Variants in AUTS2 observed in about 807,000 individuals in gnomAD.
AUTS2 encodes activator of transcription and developmental regulator AUTS2, also known as autism susceptibility gene 2 protein.
AUTS2 carries 17 observed loss-of-function variants against 112.4 expected under a neutral mutation model. That is an observed-to-expected ratio of 0.15 (90% confidence interval 0.10 to 0.23). The LOEUF (loss-of-function observed/expected upper bound fraction) is 0.23, where lower values mean the gene tolerates loss of function less well. Ranked by LOEUF, AUTS2 falls within the 10% of genes least tolerant of loss-of-function variation. AUTS2 has a pLI of 1.00. For missense variants in AUTS2, 1,510 were observed against 1,701.6 expected, an observed-to-expected ratio of 0.89 and a Z score of 1.98; for synonymous variants, 751 against 702.7, an observed-to-expected ratio of 1.07 and a Z score of -1.09.
chr7:69,868,751 C>G (rs1413157611), intron 1 of AUTS2, among the ~76,000 whole-genome samples: 1 of 152,122 alleles, frequency 6.6e-6, no homozygotes, highest in Non-Finnish European at 1.5e-5. Context: ...GGTGAAATGG[C>G]TTGCTTAAGA....
chr7:70,020,878 C>A (rs965577683), intron 2 of AUTS2, among the ~76,000 whole-genome samples: 1 of 152,084 alleles, frequency 6.6e-6, no homozygotes. Flanking sequence ...GCCATTCTGC[C>A]TAGGCTAGTC....
chr7:69,879,784 C>A (rs1793963276), intron 1 of AUTS2, among the ~76,000 whole-genome samples: 1 of 152,084 alleles, frequency 6.6e-6, no homozygotes, highest in Non-Finnish European at 1.5e-5. Context: ...GGCCCTCAGT[C>A]CTTTCCTGTG....
At chr7:70,452,536 G>T (rs568295226) in intron 5 of AUTS2, among the ~76,000 whole-genome samples, 1 of 152,148 alleles carries the variant, frequency 6.6e-6, no homozygotes, top group Non-Finnish European at 1.5e-5. Context: ...TCCTCCTGCT[G>T]GTCCCCCACC....
chr7:70,355,275 A>C (rs1042266217), intron 4 of AUTS2, among the ~76,000 whole-genome samples: 2 of 152,062 alleles, frequency 1.3e-5, no homozygotes, highest in African/African-American at 4.8e-5. Context: ...AAATTTTTAC[A>C]TCTGAGTCTC....
chr7:70,615,392 A>C (rs1313282593), intron 5 of AUTS2, among the ~76,000 whole-genome samples: 1 of 152,210 alleles, frequency 6.6e-6, no homozygotes, highest in East Asian at 1.9e-4. Context: ...TGTCGAACTA[A>C]GACTTCCCTC....
chr7:70,164,364 GT>G (rs1808272194), intron 4 of AUTS2, among the ~76,000 whole-genome samples: 1 of 152,002 alleles, frequency 6.6e-6, no homozygotes, highest in Non-Finnish European at 1.5e-5. Context: ...ATCTTTTTCT[GT>G]TGTAGTATCC....
chr7:70,392,684 A>G (rs1279179986), intron 4 of AUTS2, among the ~76,000 whole-genome samples: 2 of 152,222 alleles, frequency 1.3e-5, no homozygotes, highest in East Asian at 3.8e-4. Flanking sequence ...CAACTGATGC[A>G]TACTCAGCCT....
chr7:69,933,954 A>G (rs532140779), intron 2 of AUTS2, among the ~76,000 whole-genome samples: 26 of 152,234 alleles, frequency 1.7e-4, no homozygotes, highest in Non-Finnish European at 3.7e-4. Flanking sequence ...TTGCTTGAAC[A>G]TGTAATGGAT....
At chr7:70,097,198 G>T (rs1804249951) in intron 2 of AUTS2, among the ~76,000 whole-genome samples, 1 of 152,210 alleles carries the variant, frequency 6.6e-6, no homozygotes, top group Admixed American at 6.5e-5. Context: ...TCTGCAAGTT[G>T]TATTTTCTGT....
chr7:69,835,739 A>G (rs945846977), intron 1 of AUTS2, among the ~76,000 whole-genome samples: 1 of 152,184 alleles, frequency 6.6e-6, no homozygotes, highest in African/African-American at 2.4e-5. Flanking sequence ...GAGTTTCATT[A>G]TAGATTGCTG....
At chr7:69,848,867 G>GC (rs1792331864) in intron 1 of AUTS2, among the ~76,000 whole-genome samples, 1 of 150,540 alleles carries the variant, frequency 6.6e-6, no homozygotes, top group Non-Finnish European at 1.5e-5. Context: ...GACTCCCCCC[G>GC]CCCCCCGCCA....
intron 14 of AUTS2, among the ~76,000 whole-genome samples, chr7:70,779,017 G>A (rs753195531): frequency 8.5e-5 from 13 of 152,192 alleles, no homozygotes; most frequent in South Asian, 2.1e-4. Flanking sequence ...AGATAACTTC[G>A]TTCATCTTCC....
chr7:70,553,078 A>G (rs1480861118), intron 5 of AUTS2, among the ~76,000 whole-genome samples: 1 of 152,234 alleles, frequency 6.6e-6, no homozygotes, highest in Non-Finnish European at 1.5e-5. Context: ...TACTCCTCTG[A>G]CAAATGAGGA....
chr7:70,179,348 A>AG (rs1157428127), intron 4 of AUTS2, among the ~76,000 whole-genome samples: 12 of 152,194 alleles, frequency 7.9e-5, no homozygotes, highest in African/African-American at 2.9e-4. Flanking sequence ...CCCCTACAGC[A>AG]GGGGAGATTT....
intron 1 of AUTS2, among the ~76,000 whole-genome samples, chr7:69,866,678 C>T (rs1027588494): frequency 1.3e-5 from 2 of 152,194 alleles, no homozygotes; most frequent in African/African-American, 4.8e-5. Context: ...CCTCAACATT[C>T]CTGTCACAGT....
chr7:69,664,775 A>G (rs1752227748), intron 1 of AUTS2, among the ~76,000 whole-genome samples: 1 of 152,184 alleles, frequency 6.6e-6, no homozygotes, highest in African/African-American at 2.4e-5. Context: ...GAGGTTAACG[A>G]TATAACATGG....
At chr7:70,547,926 A>G (rs1400115976) in intron 5 of AUTS2, among the ~76,000 whole-genome samples, 1 of 152,144 alleles carries the variant, frequency 6.6e-6, no homozygotes, top group Non-Finnish European at 1.5e-5. Flanking sequence ...CCAGTAATTT[A>G]GGTGCTTCTG....
At chr7:70,781,850 C>A in intron 15 of AUTS2, 94 bp downstream of exon 15, 1 of 1,477,116 alleles carries the variant, frequency 6.8e-7, no homozygotes, top group South Asian at 1.3e-5. Context: ...GCCGCTCAGT[C>A]ACCACCTACA....
chr7:70,305,457 T>C (rs979066287), intron 4 of AUTS2, among the ~76,000 whole-genome samples: 11 of 152,234 alleles, frequency 7.2e-5, no homozygotes, highest in African/African-American at 2.2e-4. Context: ...TTTGAGTTCA[T>C]AAAAATATTG....
Sources: gnomAD v4.1 joint callset for allele counts (sites outside exome capture counted in the v4.1 genomes callset) on GRCh38, gnomAD v4.1.1 for gene constraint, MANE v1.5 for transcripts, NCBI Gene and HGNC (gene_info 2026-07-23, HGNC 2026-07-21) for gene names.